MRPS28: variants seen among roughly 807,000 people sequenced by gnomAD.
The protein encoded by MRPS28 is mitochondrial ribosomal protein S28.
A neutral mutation model predicts 10.8 loss-of-function variants in MRPS28; 7 were observed. The ratio of observed to expected loss-of-function variants is 0.65; its 90% CI spans 0.37 to 1.22. The LOEUF is 1.22. Ranked by LOEUF, MRPS28 falls within the 50% of genes most tolerant of loss-of-function variation. The pLI, the probability that MRPS28 is intolerant of heterozygous loss-of-function variation, is 0.02. For synonymous variants in MRPS28, 121 were observed against 93.3 expected (o/e 1.30, Z -1.71); for missense variants, 265 against 232.9 (o/e 1.14, Z -0.90).
chr8:79,938,416 G>T (rs1806666200), intron 2 of MRPS28, among the ~76,000 whole-genome samples: 1 of 129,986 alleles, frequency 7.7e-6, no homozygotes, highest in Non-Finnish European at 1.7e-5. Context: ...CTCTCTGATT[G>T]TGGGCTGTGC....
intron 2 of MRPS28, among the ~76,000 whole-genome samples, chr8:79,927,615 A>G (rs1586039283): frequency 6.6e-6 from 1 of 152,230 alleles, no homozygotes; most frequent in East Asian, 1.9e-4. Context: ...AAGTAAGAGG[A>G]TACCAACAAC....
At chr8:80,019,914 G>A (rs368650012) in intron 1 of MRPS28, among the ~76,000 whole-genome samples, 9 of 152,278 alleles carry the variant, frequency 5.9e-5, no homozygotes, top group Middle Eastern at 3.4e-3. Flanking sequence ...TTAAGGACAC[G>A]CCCATGACAC....
chr8:79,932,756 G>A (rs898651236), intron 2 of MRPS28, among the ~76,000 whole-genome samples: 5 of 152,232 alleles, frequency 3.3e-5, no homozygotes, highest in African/African-American at 1.2e-4. Context: ...TGCAGCAAGA[G>A]AGAGGCTGTG....
At chr8:79,946,496 G>A (rs1312702116) in intron 2 of MRPS28, among the ~76,000 whole-genome samples, 1 of 151,952 alleles carries the variant, frequency 6.6e-6, no homozygotes, top group African/African-American at 2.4e-5. Flanking sequence ...GAACCAATTT[G>A]CCAAAATTAG....
At chr8:80,005,501 A>G (rs971333081) in intron 1 of MRPS28, among the ~76,000 whole-genome samples, 1 of 152,258 alleles carries the variant, frequency 6.6e-6, no homozygotes, top group Non-Finnish European at 1.5e-5. Flanking sequence ...AAACATGGAA[A>G]GGAACAACCG....
chr8:80,016,337 T>C (rs1809194539), intron 1 of MRPS28, among the ~76,000 whole-genome samples: 1 of 151,952 alleles, frequency 6.6e-6, no homozygotes, highest in South Asian at 2.1e-4. Context: ...AAGATAAAAA[T>C]TATATCCAGC....
chr8:80,027,748 T>A (rs563479387), intron 1 of MRPS28, among the ~76,000 whole-genome samples: 1 of 152,312 alleles, frequency 6.6e-6, no homozygotes, highest in African/African-American at 2.4e-5. Flanking sequence ...CCTCCTGATA[T>A]CCTCCTCCCC....
At chr8:79,935,732 T>C (rs1264609942) in intron 2 of MRPS28, among the ~76,000 whole-genome samples, 1 of 152,050 alleles carries the variant, frequency 6.6e-6, no homozygotes, top group Non-Finnish European at 1.5e-5. Context: ...AGTAAAGAAG[T>C]TATAAACTAA....
At chr8:79,965,822 T>C (rs1018026967) in intron 2 of MRPS28, among the ~76,000 whole-genome samples, 1 of 152,100 alleles carries the variant, frequency 6.6e-6, no homozygotes, top group Non-Finnish European at 1.5e-5. Flanking sequence ...AGAATGTCTC[T>C]CTATGCTTAA....
At chr8:79,984,863 C>A (rs1365551701) in intron 2 of MRPS28, among the ~76,000 whole-genome samples, 1 of 152,150 alleles carries the variant, frequency 6.6e-6, no homozygotes, top group Admixed American at 6.5e-5. Context: ...TTAGACAGAT[C>A]AATGAGACAG....
At chr8:79,994,214 T>C (rs1333268436) in intron 2 of MRPS28, among the ~76,000 whole-genome samples, 4 of 152,292 alleles carry the variant, frequency 2.6e-5, no homozygotes, top group Middle Eastern at 3.4e-3. Flanking sequence ...ATTTGGAGAA[T>C]TTGGCTCTTT....
chr8:79,950,466 T>C (rs1368921217), intron 2 of MRPS28, among the ~76,000 whole-genome samples: 3 of 152,198 alleles, frequency 2.0e-5, no homozygotes, highest in Non-Finnish European at 4.4e-5. Context: ...ATTCTCTAGA[T>C]AAGCCTTTGT....
At chr8:79,957,774 G>A (rs1807266130) in intron 2 of MRPS28, 1 of 152,016 alleles carries the variant, frequency 6.6e-6, no homozygotes, top group South Asian at 2.1e-4. Flanking sequence ...ACAGTACCCA[G>A]TATACACTAG....
chr8:79,980,898 C>A (rs933833587), intron 2 of MRPS28, among the ~76,000 whole-genome samples: 1 of 152,212 alleles, frequency 6.6e-6, no homozygotes, highest in African/African-American at 2.4e-5. Flanking sequence ...TCAACACCAT[C>A]GTCACCATCA....
intron 2 of MRPS28, among the ~76,000 whole-genome samples, chr8:79,949,677 T>G (rs1447958109): frequency 6.6e-6 from 1 of 152,214 alleles, no homozygotes; most frequent in African/African-American, 2.4e-5. Context: ...TCATAATAAT[T>G]GTTGTTTTCC....
chr8:79,920,768 GC>G (rs1810071637), intron 2 of MRPS28, among the ~76,000 whole-genome samples: 1 of 152,060 alleles, frequency 6.6e-6, no homozygotes, highest in Non-Finnish European at 1.5e-5. Context: ...AGTTTCTTTT[GC>G]TGTGCAGAAG....
At chr8:79,966,244 T>A (rs1305621737) in intron 2 of MRPS28, among the ~76,000 whole-genome samples, 2 of 151,984 alleles carry the variant, frequency 1.3e-5, no homozygotes, top group African/African-American at 4.8e-5. Flanking sequence ...GAGCTTGTTT[T>A]AACATTATAG....
intron 2 of MRPS28, among the ~76,000 whole-genome samples, chr8:79,998,445 C>T (rs554545321): frequency 6.6e-6 from 1 of 152,218 alleles, no homozygotes; most frequent in Non-Finnish European, 1.5e-5. Context: ...TTGCAACTCA[C>T]TCTAAGTAGA....
chr8:80,003,023 C>A lies in MRPS28; in HGVS notation c.371G>T (p.Cys124Phe). ...CTCTCCATCCACTTCTGGTCTTCTACATACACAATGAAACTTTCCACCAAA... is the reference window on the plus strand; with the variant it reads ...CTCTCCATCCACTTCTGGTCTTCTAAATACACAATGAAACTTTCCACCAAA... ...IDFGGKFHCV[C>F]RRPEVDGEKY... is the part of the protein sequence containing the mutation. The change falls in exon 2 of 3, where the codon TGT becomes TTT. Residue 124 changes from cysteine (C) to phenylalanine (F), a missense_variant. Cys to Phe is a radical substitution (Grantham distance 205). Coordinates refer to ENST00000276585, the MANE Select transcript of MRPS28 (RefSeq NM_014018.3). The A allele has an allele frequency of 6.2e-7, 1 of 1,600,214 alleles. No individual in the cohort carries two copies.
Sources: allele counts gnomAD v4.1 joint callset (sites outside exome capture counted in the v4.1 genomes callset), GRCh38; gene constraint gnomAD v4.1.1; transcripts MANE v1.5; gene names NCBI Gene and HGNC (gene_info 2026-07-23, HGNC 2026-07-21).